MGAT5: variants seen among roughly 807,000 people sequenced by gnomAD.
The protein encoded by MGAT5 is alpha-1,6-mannosylglycoprotein 6-beta-N-acetylglucosaminyltransferase.
MGAT5 carries 30 observed loss-of-function variants against 94.3 expected under a neutral mutation model. That is an observed-to-expected ratio of 0.32 (90% CI 0.24 to 0.43). MGAT5 has a LOEUF of 0.43. MGAT5 is among the 20% of genes least tolerant of loss of function. The pLI is 1.00. For synonymous variants in MGAT5, 310 were observed against 322.9 expected, an observed-to-expected ratio of 0.96 and a Z score of 0.43; for missense variants, 691 against 905.5, an observed-to-expected ratio of 0.76 and a Z score of 3.04.
At chr2:134,131,780 CAG>C (rs1412207553) in intron 1 of MGAT5, among the ~76,000 whole-genome samples, 1 of 151,234 alleles carries the variant, frequency 6.6e-6, no homozygotes. Flanking sequence ...TGTGTATAAA[CAG>C]AGTTGTAAAA....
At chr2:134,371,941 G>GT in intron 10 of MGAT5, among the ~76,000 whole-genome samples, 1 of 111,942 alleles carries the variant, frequency 8.9e-6, no homozygotes, top group Middle Eastern at 5.1e-3. Flanking sequence ...GTTTTGTTTT[G>GT]TTTAAAAAAA....
intron 1 of MGAT5, among the ~76,000 whole-genome samples, chr2:134,190,895 C>T (rs1042426598): frequency 7.9e-5 from 12 of 151,814 alleles, no homozygotes; most frequent in Non-Finnish European, 1.3e-4. Flanking sequence ...GTGATCTGCC[C>T]GTCTCGGCCT....
rs1462271970 is a variant in MGAT5 at position 134,134,263 on chromosome 2, G to A, written c.-143+13972G>A. Among the ~76,000 whole-genome samples the A allele has an allele frequency of 2.0e-5, 3 of 152,062 alleles. No homozygotes were observed. The East Asian group carries it at 5.8e-4, about 29-fold the overall frequency. On this transcript the variant is annotated intron_variant, in intron 1 of 16. Transcript: ENST00000409645. ...GGATGGCTGTCCTTCTAGGTGGTTG[G>A]ATGCCTTTAATTAATAAAGATTCTT...
chr2:134,303,162 GT>G (rs1199240337), intron 2 of MGAT5, among the ~76,000 whole-genome samples: 1 of 151,806 alleles, frequency 6.6e-6, no homozygotes, highest in Non-Finnish European at 1.5e-5. Context: ...TTCCTTTTTT[GT>G]TTTTCAAATT....
At chr2:134,221,526 G>A (rs571617260) in intron 1 of MGAT5, among the ~76,000 whole-genome samples, 15 of 152,266 alleles carry the variant, frequency 9.9e-5, no homozygotes, top group African/African-American at 3.4e-4. Flanking sequence ...AGGATGCCTG[G>A]CTCTTAGTTG....
intron 2 of MGAT5, among the ~76,000 whole-genome samples, chr2:134,285,173 T>G (rs914268783): frequency 2.0e-5 from 3 of 152,170 alleles, no homozygotes; most frequent in Non-Finnish European, 4.4e-5. Flanking sequence ...TAAGGCCAAG[T>G]TATGTAGGAA....
chr2:134,298,862 C>T (rs1228727384), intron 2 of MGAT5, among the ~76,000 whole-genome samples: 1 of 151,978 alleles, frequency 6.6e-6, no homozygotes, highest in African/African-American at 2.4e-5. Flanking sequence ...CGATTCCAGG[C>T]AGGAAGCATG....
intron 2 of MGAT5, among the ~76,000 whole-genome samples, chr2:134,315,675 G>A (rs1229887617): frequency 6.6e-6 from 1 of 152,220 alleles, no homozygotes; most frequent in African/African-American, 2.4e-5. Context: ...CTGCCATTGG[G>A]CCTGCCAGGC....
chr2:134,272,995 ATG>A (rs796139497), intron 2 of MGAT5, among the ~76,000 whole-genome samples: 2 of 151,550 alleles, frequency 1.3e-5, no homozygotes, highest in Non-Finnish European at 2.9e-5. Context: ...TGGCCCGTGT[ATG>A]TGTGTGTGTG....
At chr2:134,349,512 A>C (rs1359191482) in intron 8 of MGAT5, among the ~76,000 whole-genome samples, 2 of 152,188 alleles carry the variant, frequency 1.3e-5, no homozygotes, top group African/African-American at 2.4e-5. Context: ...GGCAGTCCCC[A>C]GTTCAAGCTT....
chr2:134,131,026 A>G lies in MGAT5; in HGVS notation c.-143+10735A>G, dbSNP rs182862762. ...TGGCAACCCCCTGGGGTCCCCTTCCATAGTGTGGAAGCTTTGTTCTTTTGC... is the reference window on the plus strand; with the variant it reads ...TGGCAACCCCCTGGGGTCCCCTTCCGTAGTGTGGAAGCTTTGTTCTTTTGC... On this transcript the variant is annotated intron_variant, in intron 1 of 16. Coordinates refer to the MGAT5 transcript ENST00000409645. Among the ~76,000 whole-genome samples the G allele has an allele frequency of 3.0e-4, 46 of 152,318 alleles. No individual in the cohort carries two copies. In the East Asian group the frequency reaches 7.9e-3, roughly 26 times the overall value.
At chr2:134,132,168 A>G (rs976783912) in intron 1 of MGAT5, among the ~76,000 whole-genome samples, 1 of 152,198 alleles carries the variant, frequency 6.6e-6, no homozygotes, top group Non-Finnish European at 1.5e-5. Context: ...TTTGTTAGTT[A>G]CTTGTAACTA....
At chr2:134,329,991 C>CT (rs896598888) in intron 4 of MGAT5, among the ~76,000 whole-genome samples, 6 of 151,952 alleles carry the variant, frequency 3.9e-5, no homozygotes, top group African/African-American at 7.2e-5. Flanking sequence ...AGGGGGCTTA[C>CT]TTTTTTTTAG....
At chr2:134,167,311 A>G (rs539494479) in intron 1 of MGAT5, among the ~76,000 whole-genome samples, 1 of 152,372 alleles carries the variant, frequency 6.6e-6, no homozygotes, top group East Asian at 1.9e-4. Flanking sequence ...GCAGGTTTCT[A>G]AGGGACAGAA....
intron 10 of MGAT5, among the ~76,000 whole-genome samples, chr2:134,381,382 T>TAGATTAGA (rs1553457734): frequency 2.8e-5 from 3 of 108,574 alleles, no homozygotes; most frequent in Non-Finnish European, 6.0e-5. Context: ...ATAAGATAGA[T>TAGATTAGA]TAGATAGATA....
intron 9 of MGAT5, among the ~76,000 whole-genome samples, chr2:134,358,583 G>C (rs763313299): frequency 1.6e-4 from 24 of 152,232 alleles, no homozygotes; most frequent in Non-Finnish European, 5.9e-5. Flanking sequence ...CTAAGGAATG[G>C]GCCCAGGCTG....
At chr2:134,303,354 T>A (rs1215466267) in intron 2 of MGAT5, among the ~76,000 whole-genome samples, 1 of 152,188 alleles carries the variant, frequency 6.6e-6, no homozygotes, top group Admixed American at 6.6e-5. Context: ...TTATTATGTA[T>A]TGGACATGAC....
chr2:134,289,323 G>C (rs901400117), intron 2 of MGAT5, among the ~76,000 whole-genome samples: 3 of 152,088 alleles, frequency 2.0e-5, no homozygotes, highest in African/African-American at 7.2e-5. Flanking sequence ...TCTCTTCCAG[G>C]GTGCCGATCT....
intron 2 of MGAT5, among the ~76,000 whole-genome samples, chr2:134,272,211 A>G (rs1684070849): frequency 6.6e-6 from 1 of 152,220 alleles, no homozygotes; most frequent in Non-Finnish European, 1.5e-5. Flanking sequence ...ACTACTTTCA[A>G]ACGAAGTCTG....
Sources: allele counts gnomAD v4.1 joint callset (sites outside exome capture counted in the v4.1 genomes callset), GRCh38; gene constraint gnomAD v4.1.1; transcripts MANE v1.5; gene names NCBI Gene and HGNC (gene_info 2026-07-23, HGNC 2026-07-21).